AKAP13: variants seen among roughly 807,000 people sequenced by gnomAD.
AKAP13 encodes the protein A-kinase anchor protein 13.
A neutral mutation model predicts 264.5 loss-of-function variants in AKAP13; 80 were observed. The observed-to-expected ratio is 0.30, with a 90% confidence interval of 0.25 to 0.36. AKAP13 has a LOEUF of 0.36. AKAP13 is among the 10% of genes least tolerant of loss of function. The pLI is 1.00. For synonymous variants in AKAP13, 1,380 were observed against 1,250.2 expected (o/e 1.10, Z -2.19); for missense variants, 3,712 against 3,435.2 (o/e 1.08, Z -2.01).
At chr15:85,671,825 TGTC>T (rs770903896) in intron 14 of AKAP13, among the ~76,000 whole-genome samples, 2 of 152,148 alleles carry the variant, frequency 1.3e-5, no homozygotes, top group Non-Finnish European at 2.9e-5. Flanking sequence ...GACCAGCAAG[TGTC>T]GTGACATAGT....
At chr15:85,549,172 G>A (rs1257686596) in intron 5 of AKAP13, among the ~76,000 whole-genome samples, 7 of 152,092 alleles carry the variant, frequency 4.6e-5, no homozygotes, top group Non-Finnish European at 8.8e-5. Flanking sequence ...CTTGATGTAG[G>A]TTGGAAATTA....
chr15:85,395,834 C>T (rs1376451413), intron 1 of AKAP13, among the ~76,000 whole-genome samples: 1 of 152,108 alleles, frequency 6.6e-6, no homozygotes, highest in South Asian at 2.1e-4. Flanking sequence ...GTCAGATTGC[C>T]CACTGAATAG....
chr15:85,637,795 AT>A (rs2082128269), intron 8 of AKAP13, among the ~76,000 whole-genome samples: 1 of 149,538 alleles, frequency 6.7e-6, no homozygotes, highest in Non-Finnish European at 1.5e-5. Context: ...ATATCCACAC[AT>A]TTTTATATGT....
chr15:85,415,769 CATACAGCT>C, intron 1 of AKAP13: 1 of 592,602 alleles, frequency 1.7e-6, no homozygotes, highest in Non-Finnish European at 3.0e-6. Context: ...AAACATTTTA[CATACAGCT>C]ATTTCAAAGT....
intron 15 of AKAP13, among the ~76,000 whole-genome samples, chr15:85,683,112 G>A (rs2084692982): frequency 6.6e-6 from 1 of 152,140 alleles, no homozygotes; most frequent in South Asian, 2.1e-4. Flanking sequence ...TTTCACAGAG[G>A]CATCAGTTAT....
chr15:85,546,321 AACACACACACACACACACACACAC>A (rs60271542), intron 5 of AKAP13, among the ~76,000 whole-genome samples: 1 of 145,176 alleles, frequency 6.9e-6, no homozygotes, highest in Non-Finnish European at 1.5e-5. Flanking sequence ...GTTGTTACCA[AACACACACACACACACACACACAC>A]ACACACACAC....
intron 5 of AKAP13, among the ~76,000 whole-genome samples, chr15:85,563,659 A>G (rs1258571023): frequency 6.6e-6 from 1 of 152,176 alleles, no homozygotes; most frequent in African/African-American, 2.4e-5. Flanking sequence ...GCAGCATTAT[A>G]TAAGGGGGAG....
At chr15:85,605,757 CT>C (rs1489273869) in intron 8 of AKAP13, among the ~76,000 whole-genome samples, 1 of 152,172 alleles carries the variant, frequency 6.6e-6, no homozygotes, top group Non-Finnish European at 1.5e-5. Context: ...CCCACCCAAA[CT>C]TCCATTTATA....
chr15:85,736,905 T>C (rs982409607), intron 33 of AKAP13, among the ~76,000 whole-genome samples: 1 of 140,854 alleles, frequency 7.1e-6, no homozygotes, highest in African/African-American at 2.6e-5. Flanking sequence ...TCAAGTTATA[T>C]CATCATCTTT....
At chr15:85,632,066 T>C (rs2081858850) in intron 8 of AKAP13, among the ~76,000 whole-genome samples, 1 of 152,180 alleles carries the variant, frequency 6.6e-6, no homozygotes, top group African/African-American at 2.4e-5. Context: ...CTATATAATA[T>C]ATACTAATTG....
Position 85,580,391 on chromosome 15 carries a change from C to T in AKAP13, c.2323C>T (p.Pro775Ser), listed in dbSNP as rs151078144. ...VVPKMEKELV[P>S]DQAVISDSTF... ...CCCTAAAATGGAGAAAGAACTGGTGCCAGACCAGGCAGTAATATCAGACAG... is the reference window on the plus strand; with the variant it reads ...CCCTAAAATGGAGAAAGAACTGGTGTCAGACCAGGCAGTAATATCAGACAG... Residue 775 changes from proline (P) to serine (S), a missense_variant, in exon 7 of 37, where the codon CCA becomes TCA. Physicochemically the swap from Pro to Ser is moderately conservative, Grantham distance 74 (BLOSUM62 -1). Transcript: ENST00000394518. 1 of 1,614,178 alleles carries T rather than the reference C, an allele frequency of 6.2e-7. No individual in the cohort carries two copies. Among genetic ancestry groups the T allele is most frequent in the South Asian group, 1.1e-5 (1 of 91,080 alleles).
At chr15:85,471,779 T>C (rs1044710991) in intron 1 of AKAP13, among the ~76,000 whole-genome samples, 6 of 152,266 alleles carry the variant, frequency 3.9e-5, no homozygotes, top group African/African-American at 1.4e-4. Flanking sequence ...ATAGGTAATA[T>C]AAGTCTTTGA....
intron 1 of AKAP13, among the ~76,000 whole-genome samples, chr15:85,447,958 C>T (rs561269907): frequency 1.3e-5 from 2 of 152,300 alleles, no homozygotes; most frequent in Non-Finnish European, 2.9e-5. Context: ...CTGCTTTCCA[C>T]AATGGTTGAA....
Position 85,533,695 on chromosome 15 carries a change from A to G in AKAP13, c.293A>G (p.Asp98Gly). The G allele has an allele frequency of 6.2e-7, 1 of 1,614,222 alleles. No homozygotes were observed. The highest frequency in any genetic ancestry group is 8.5e-7 in the Non-Finnish European group (1 of 1,180,036). ...CATTTCGTCCAGGATGAAGCGTATG[A>G]TGCAGCTCAATTCCTAGCAACCAGT... ...DFHFVQDEAY[D>G]AAQFLATSAG... Residue 98 changes from aspartate to glycine, a missense_variant, in exon 4 of 37, where the codon GAT becomes GGT. Physicochemically the swap from Asp to Gly is moderately conservative, Grantham distance 94 (BLOSUM62 -1). Around this residue, in one of 3 missense-constraint regions of AKAP13, gnomAD observed 2,759 missense variants for 2,411.7 expected, o/e 1.14. Transcript: ENST00000394518.
intron 5 of AKAP13, among the ~76,000 whole-genome samples, chr15:85,552,949 T>G (rs968883848): frequency 6.6e-6 from 1 of 152,310 alleles, no homozygotes; most frequent in Admixed American, 6.5e-5. Context: ...CAAATTGAAC[T>G]TACCCTAGAA....
chr15:85,477,028 C>G (rs1418722642), intron 1 of AKAP13, among the ~76,000 whole-genome samples: 1 of 152,062 alleles, frequency 6.6e-6, no homozygotes, highest in Non-Finnish European at 1.5e-5. Context: ...GTTCCCAAAA[C>G]TGTGATCACA....
rs75056004 is a variant in AKAP13 at position 85,714,168 on chromosome 15, A to G, written c.5600-1620A>G. 2.0e-3 allele frequency among the ~76,000 whole-genome samples: 306 copies of G among 152,366 alleles called. 1 individual carries two copies. Among genetic ancestry groups the G allele is most frequent in the African/African-American group, 6.3e-3 (262 of 41,584 alleles). ...GTATTATATACTGTATTCTTACAAT[A>G]AATTAAGCCAAAGGAAAAAATGTTA... On this transcript the variant is annotated intron_variant, in intron 19 of 36. Transcript: ENST00000394518.
intron 2 of AKAP13, among the ~76,000 whole-genome samples, chr15:85,494,104 A>G (rs2075807294): frequency 6.6e-6 from 1 of 152,168 alleles, no homozygotes; most frequent in South Asian, 2.1e-4. Flanking sequence ...AACTACTCAT[A>G]CCATCTCTTA....
At chr15:85,611,934 G>A (rs2080649085) in intron 8 of AKAP13, among the ~76,000 whole-genome samples, 2 of 152,200 alleles carry the variant, frequency 1.3e-5, no homozygotes, top group Admixed American at 1.3e-4. Context: ...CTTCCATCAA[G>A]TCTCAGATTA....
Sources: allele counts gnomAD v4.1 joint callset (sites outside exome capture counted in the v4.1 genomes callset), GRCh38; gene constraint gnomAD v4.1.1; regional missense constraint gnomAD v4.1.1; transcripts MANE v1.5; gene names NCBI Gene and HGNC (gene_info 2026-07-23, HGNC 2026-07-21).